Variants in KCTD16 observed in about 807,000 individuals in gnomAD.
KCTD16 encodes potassium channel tetramerization domain containing 16.
In KCTD16, 13 loss-of-function variants were observed where a neutral mutation model predicts 33.2. The observed-to-expected ratio is 0.39, with a 90% CI of 0.25 to 0.62. The LOEUF is 0.62. Among genes scored for constraint, KCTD16 ranks in the 20% least tolerant of loss-of-function variants. The pLI, the probability that KCTD16 is intolerant of heterozygous loss-of-function variation, is 0.50. For synonymous variants in KCTD16, 197 were observed against 195.3 expected, an observed-to-expected ratio of 1.01 and a Z score of -0.07; for missense variants, 441 against 525.1, an observed-to-expected ratio of 0.84 and a Z score of 1.57.
At chr5:144,314,727 A>G (rs1438723124) in intron 3 of KCTD16, among the ~76,000 whole-genome samples, 2 of 152,190 alleles carry the variant, frequency 1.3e-5, no homozygotes, top group African/African-American at 4.8e-5. Context: ...ACAAAGCTTT[A>G]TTATTATACT....
chr5:144,230,745 CA>C (rs1487764797), intron 3 of KCTD16, among the ~76,000 whole-genome samples: 1 of 151,924 alleles, frequency 6.6e-6, no homozygotes, highest in East Asian at 1.9e-4. Context: ...GGAAGTGATA[CA>C]AGTATTAGGA....
intron 3 of KCTD16, among the ~76,000 whole-genome samples, chr5:144,351,801 C>G (rs1209471460): frequency 6.6e-6 from 1 of 152,082 alleles, no homozygotes; most frequent in African/African-American, 2.4e-5. Context: ...CTCATAAAGA[C>G]AAAAACTGCA....
chr5:144,220,157 C>T (rs1212832744), intron 3 of KCTD16, among the ~76,000 whole-genome samples: 3 of 152,198 alleles, frequency 2.0e-5, no homozygotes, highest in Non-Finnish European at 4.4e-5. Flanking sequence ...CCCCCAAACA[C>T]TCATCCTTCC....
chr5:144,255,455 T>C lies in KCTD16; in HGVS notation c.832+47909T>C, dbSNP rs1313207115. Reference sequence around the variant, plus strand: ...CCATTTTGCAATCCTACCAACAGTGTGCAGGTTCCAATTCTTCCACATCCT... The same window carrying C: ...CCATTTTGCAATCCTACCAACAGTGCGCAGGTTCCAATTCTTCCACATCCT... On this transcript the variant is annotated intron_variant, in intron 3 of 3. Transcript: ENST00000512467. 2.0e-5 allele frequency among the ~76,000 whole-genome samples: 3 copies of C among 152,204 alleles called. No individual in the cohort carries two copies. The East Asian group carries it at 5.8e-4, about 29-fold the overall frequency.
chr5:144,416,010 G>T (rs1457678305), intron 3 of KCTD16, among the ~76,000 whole-genome samples: 1 of 152,054 alleles, frequency 6.6e-6, no homozygotes, highest in East Asian at 1.9e-4. Flanking sequence ...TGGGTGAAAG[G>T]ATTCTATTAA....
chr5:144,284,677 C>T (rs1280152213), intron 3 of KCTD16, among the ~76,000 whole-genome samples: 1 of 152,028 alleles, frequency 6.6e-6, no homozygotes. Flanking sequence ...CTGTAAGGAA[C>T]ATATTTTAAG....
intron 3 of KCTD16, among the ~76,000 whole-genome samples, chr5:144,396,791 C>T (rs1483764746): frequency 6.6e-6 from 1 of 151,834 alleles, no homozygotes; most frequent in Non-Finnish European, 1.5e-5. Context: ...TCTAATGTCT[C>T]ATAGAAAAAT....
intron 3 of KCTD16, among the ~76,000 whole-genome samples, chr5:144,352,543 CTT>C (rs1303770202): frequency 6.6e-6 from 1 of 152,264 alleles, no homozygotes; most frequent in South Asian, 2.1e-4. Flanking sequence ...CCCTGGAACT[CTT>C]TGTTCTCTGG....
chr5:144,468,114 A>G (rs1489575815), intron 3 of KCTD16, among the ~76,000 whole-genome samples: 1 of 152,186 alleles, frequency 6.6e-6, no homozygotes. Flanking sequence ...CTTCAGAAAC[A>G]TCAGCACCAG....
chr5:144,221,968 G>C (rs985902726), intron 3 of KCTD16, among the ~76,000 whole-genome samples: 1 of 152,164 alleles, frequency 6.6e-6, no homozygotes, highest in Non-Finnish European at 1.5e-5. Context: ...TCTAACTGGC[G>C]TGAGATGGTA....
intron 2 of KCTD16, among the ~76,000 whole-genome samples, chr5:144,196,571 A>G (rs918237237): frequency 6.6e-6 from 1 of 152,208 alleles, no homozygotes; most frequent in Non-Finnish European, 1.5e-5. Context: ...CACATCAACA[A>G]CACAGATGTA....
intron 3 of KCTD16, among the ~76,000 whole-genome samples, chr5:144,430,757 TG>T (rs1753439919): frequency 6.6e-6 from 1 of 152,074 alleles, no homozygotes; most frequent in African/African-American, 2.4e-5. Context: ...TTGATCCCCC[TG>T]GGAAAGAGTG....
chr5:144,341,667 G>A (rs1158729044), intron 3 of KCTD16, among the ~76,000 whole-genome samples: 1 of 152,148 alleles, frequency 6.6e-6, no homozygotes, highest in Middle Eastern at 3.2e-3. Flanking sequence ...TTCCCAACTG[G>A]TTGATTCAAT....
chr5:144,174,844 T>G (rs778782734), intron 2 of KCTD16, among the ~76,000 whole-genome samples: 1 of 152,250 alleles, frequency 6.6e-6, no homozygotes, highest in Non-Finnish European at 1.5e-5. Context: ...AGCAATATTG[T>G]AAATACTGTA....
chr5:144,332,477 G>A (rs1333109505), intron 3 of KCTD16, among the ~76,000 whole-genome samples: 1 of 152,160 alleles, frequency 6.6e-6, no homozygotes, highest in African/African-American at 2.4e-5. Flanking sequence ...GACAGTAGCA[G>A]AGAGGGTTGT....
At chr5:144,419,408 C>T (rs896004095) in intron 3 of KCTD16, among the ~76,000 whole-genome samples, 1 of 152,154 alleles carries the variant, frequency 6.6e-6, no homozygotes, top group Non-Finnish European at 1.5e-5. Context: ...ATTTATTGGC[C>T]TCCCCTCCTG....
intron 3 of KCTD16, among the ~76,000 whole-genome samples, chr5:144,294,968 G>A (rs749930084): frequency 1.3e-5 from 2 of 152,084 alleles, no homozygotes; most frequent in Non-Finnish European, 2.9e-5. Context: ...ACCTTTATCC[G>A]TACTGTTCAT....
chr5:144,270,087 T>C (rs1442351892), intron 3 of KCTD16, among the ~76,000 whole-genome samples: 2 of 151,894 alleles, frequency 1.3e-5, no homozygotes, highest in Non-Finnish European at 2.9e-5. Context: ...AAAAAAGCCA[T>C]AAAGTATTTA....
intron 2 of KCTD16, among the ~76,000 whole-genome samples, chr5:144,195,059 G>T (rs148883526): frequency 6.6e-6 from 1 of 152,148 alleles, no homozygotes; most frequent in African/African-American, 2.4e-5. Flanking sequence ...TGCTTACACC[G>T]TCAGCTTCCC....
Sources: allele counts gnomAD v4.1 joint callset (sites outside exome capture counted in the v4.1 genomes callset), GRCh38; gene constraint gnomAD v4.1.1; transcripts MANE v1.5; gene names NCBI Gene and HGNC (gene_info 2026-07-23, HGNC 2026-07-21).